The following AUH variants were observed in gnomAD, a reference collection of about 807,000 sequenced individuals.
The protein encoded by AUH is AU RNA binding methylglutaconyl-CoA hydratase.
A neutral mutation model predicts 42.3 loss-of-function variants in AUH; 29 were observed. The observed-to-expected ratio is 0.69, with a 90% confidence interval of 0.51 to 0.93. AUH has a LOEUF of 0.93. Ranked by LOEUF, AUH falls within the 40% of genes least tolerant of loss-of-function variation. AUH has a pLI of 0.00. For missense variants in AUH, 452 were observed against 438.1 expected (o/e 1.03, Z -0.28); for synonymous variants, 174 against 166.4 (o/e 1.05, Z -0.35).
At chr9:91,263,966 G>A (rs1235127141) in intron 6 of AUH, among the ~76,000 whole-genome samples, 1 of 152,098 alleles carries the variant, frequency 6.6e-6, no homozygotes, top group African/African-American at 2.4e-5. Flanking sequence ...CACTGATACT[G>A]GAGCCACAAC....
rs182840726 is a variant in AUH at position 91,311,212 on chromosome 9, A to T, written c.506-13136T>A. Among the ~76,000 whole-genome samples, 11 of 152,278 alleles carry T rather than the reference A, an allele frequency of 7.2e-5. No homozygotes were observed. The East Asian group carries it at 1.9e-3, about 27-fold the overall frequency. On this transcript the variant is annotated intron_variant, in intron 4 of 9. Coordinates refer to ENST00000375731, the MANE Select transcript of AUH (RefSeq NM_001698.3). ...TGAAGAACAGATCCAGAGACTGAAA[A>T]TTTCCAAAATTAAATTATTTCTTTC...
intron 6 of AUH, among the ~76,000 whole-genome samples, chr9:91,268,117 G>A (rs895040038): frequency 5.3e-5 from 8 of 152,114 alleles, no homozygotes; most frequent in African/African-American, 1.7e-4. Flanking sequence ...ACCAACAATC[G>A]TAATAAACAT....
chr9:91,300,482 T>C (rs1176031326), intron 4 of AUH, among the ~76,000 whole-genome samples: 1 of 152,182 alleles, frequency 6.6e-6, no homozygotes, highest in African/African-American at 2.4e-5. Flanking sequence ...ACCACCCAAG[T>C]TCTGGGTCCC....
At chr9:91,268,348 G>A (rs1042164294) in intron 6 of AUH, among the ~76,000 whole-genome samples, 6 of 151,996 alleles carry the variant, frequency 3.9e-5, no homozygotes, top group Non-Finnish European at 8.8e-5. Context: ...TCTATGTTGG[G>A]AGGGCACAAA....
chr9:91,327,105 C>A (rs1173368740), intron 3 of AUH, among the ~76,000 whole-genome samples: 1 of 152,120 alleles, frequency 6.6e-6, no homozygotes, highest in South Asian at 2.1e-4. Flanking sequence ...ATCAATCCTA[C>A]GAAAAGCCAG....
At chr9:91,218,536 C>G in intron 7 of AUH, 1 of 842,278 alleles carries the variant, frequency 1.2e-6, no homozygotes, top group Non-Finnish European at 1.4e-6. Context: ...GCCTGAGATT[C>G]TGCACGTCTA....
At chr9:91,260,163 T>C (rs904445253) in intron 6 of AUH, among the ~76,000 whole-genome samples, 7 of 152,150 alleles carry the variant, frequency 4.6e-5, no homozygotes, top group African/African-American at 1.7e-4. Flanking sequence ...CAGCTTTCTT[T>C]TCTATTGTTA....
intron 6 of AUH, among the ~76,000 whole-genome samples, chr9:91,240,986 G>C (rs1022374809): frequency 2.8e-4 from 43 of 152,296 alleles, no homozygotes; most frequent in Non-Finnish European, 2.6e-4. Flanking sequence ...CTGATGCCTA[G>C]CGATAAGTGC....
chr9:91,325,508 T>A, intron 3 of AUH, 104 bp from the exon 4 acceptor site: 1 of 904,370 alleles, frequency 1.1e-6, no homozygotes, highest in Non-Finnish European at 1.8e-6. Context: ...AAGATCAGCC[T>A]AATTCATCTT....
intron 9 of AUH, 45 bp from the exon 10 acceptor site, chr9:91,214,470 C>T (rs1235994410): frequency 6.7e-7 from 1 of 1,494,814 alleles, no homozygotes; most frequent in East Asian, 2.4e-5. Context: ...GTTAAAACAA[C>T]TGTAAAAGTT....
At chr9:91,299,943 G>C (rs1387672702) in intron 4 of AUH, among the ~76,000 whole-genome samples, 1 of 152,142 alleles carries the variant, frequency 6.6e-6, no homozygotes, top group South Asian at 2.1e-4. Context: ...CAGCTTCTAA[G>C]AGGAGTAGAG....
intron 4 of AUH, among the ~76,000 whole-genome samples, chr9:91,314,387 G>A (rs1472992147): frequency 6.6e-6 from 1 of 151,456 alleles, no homozygotes; most frequent in African/African-American, 2.4e-5. Context: ...GGAGGCTGAG[G>A]TGGGAGGATC....
intron 7 of AUH, 111 bp downstream of exon 7, chr9:91,220,694 C>A: frequency 8.3e-7 from 1 of 1,200,112 alleles, no homozygotes; most frequent in Non-Finnish European, 1.2e-6. Context: ...CATCCCTTTA[C>A]TTGGAAGCAA....
intron 6 of AUH, among the ~76,000 whole-genome samples, chr9:91,248,761 T>G (rs188112859): frequency 2.0e-5 from 3 of 152,212 alleles, no homozygotes; most frequent in Non-Finnish European, 4.4e-5. Flanking sequence ...CACAACAACA[T>G]TATAAAGGAA....
At chr9:91,218,337 A>C (rs1203462191) in intron 7 of AUH, among the ~76,000 whole-genome samples, 1 of 152,236 alleles carries the variant, frequency 6.6e-6, no homozygotes, top group Non-Finnish European at 1.5e-5. Context: ...TGTGATTTGT[A>C]TATATCATAG....
At chr9:91,279,796 A>G (rs1015549650) in intron 6 of AUH, among the ~76,000 whole-genome samples, 1 of 152,194 alleles carries the variant, frequency 6.6e-6, no homozygotes, top group African/African-American at 2.4e-5. Context: ...ACAAGCCAAG[A>G]GGGACCTCAC....
At position 91,296,091 on chromosome 9, in the gene AUH, A is replaced by C. The variant is rs2070396064; in HGVS notation, c.599-14T>G. On this transcript the variant is annotated splice_polypyrimidine_tract_variant and intron_variant, in intron 5 of 9. Transcript: ENST00000375731. ...TTGCAGAGGAAGCTAAAACGAAAGAAAGAAAATTAAGTATCATCCATATCA... is the reference window on the plus strand; with the variant it reads ...TTGCAGAGGAAGCTAAAACGAAAGACAGAAAATTAAGTATCATCCATATCA... 1 of 1,613,194 alleles carries C rather than the reference A, an allele frequency of 6.2e-7. No homozygotes were observed. The highest frequency in any genetic ancestry group is 1.7e-5 in the Admixed American group (1 of 59,988).
intron 3 of AUH, among the ~76,000 whole-genome samples, chr9:91,340,528 G>A (rs1831028832): frequency 6.6e-6 from 1 of 152,174 alleles, no homozygotes; most frequent in Non-Finnish European, 1.5e-5. Context: ...AACTCAGGGA[G>A]TTTTTAAGAA....
chr9:91,270,292 C>T (rs1389517913), intron 6 of AUH, among the ~76,000 whole-genome samples: 3 of 152,158 alleles, frequency 2.0e-5, no homozygotes, highest in Non-Finnish European at 4.4e-5. Flanking sequence ...CTGGGCTCCA[C>T]CTCCCACTGT....
Sources: allele counts gnomAD v4.1 joint callset (sites outside exome capture counted in the v4.1 genomes callset), GRCh38; gene constraint gnomAD v4.1.1; transcripts MANE v1.5; gene names NCBI Gene and HGNC (gene_info 2026-07-23, HGNC 2026-07-21).